BUD23: variants seen among roughly 807,000 people sequenced by gnomAD.
The protein encoded by BUD23 is 18S rRNA (guanine-N(7))-methyltransferase.
In BUD23, 34 loss-of-function variants were observed where a neutral mutation model predicts 47.0. The observed-to-expected ratio is 0.72, with a 90% CI of 0.55 to 0.96. The LOEUF (loss-of-function observed/expected upper bound fraction) is 0.96, where lower values mean the gene tolerates loss of function less well. BUD23 is among the 40% of genes least tolerant of loss of function. BUD23 has a pLI of 0.00. For missense variants in BUD23, 343 were observed against 361.2 expected, an observed-to-expected ratio of 0.95 and a Z score of 0.41; for synonymous variants, 124 against 132.0, an observed-to-expected ratio of 0.94 and a Z score of 0.41.
chr7:73,684,012 C>T, intron 2 of BUD23: 1 of 1,438,780 alleles, frequency 7.0e-7, no homozygotes, highest in Non-Finnish European at 9.1e-7. Flanking sequence ...TAGGGGTGAT[C>T]GCGCTTGCTT....
chr7:73,697,367 C>T lies in BUD23; in HGVS notation c.702-238C>T, dbSNP rs149350960. On this transcript the variant is annotated intron_variant, in intron 10 of 11. Transcript: ENST00000265758. Reference sequence around the variant, plus strand: ...TCGCTGGTGTTTAGGTCTCCATGCCCGGCCCAGCTCTCTCCTCCTCTGCCC... The same window carrying T: ...TCGCTGGTGTTTAGGTCTCCATGCCTGGCCCAGCTCTCTCCTCCTCTGCCC... The T allele has an allele frequency of 2.7e-3, 3,898 of 1,448,634 alleles. 9 individuals carry two copies. The highest frequency in any genetic ancestry group is 6.5e-3 in the African/African-American group (462 of 71,534). The allele number at this position is 1,448,634 out of a possible 1,614,324, so 89.7% of individuals were successfully genotyped here.
chr7:73,693,591 A>C (rs1798278286), intron 8 of BUD23, 33 bp from the exon 9 acceptor site: 3 of 1,613,580 alleles, frequency 1.9e-6, no homozygotes, highest in African/African-American at 2.7e-5. Flanking sequence ...GGCTTTCTCC[A>C]CCCAACCCTC....
Position 73,683,600 on chromosome 7 carries a change from C to G in BUD23, c.-26C>G, listed in dbSNP as rs562873873. The G allele has an allele frequency of 1.3e-6, 2 of 1,594,740 alleles. No individual in the cohort carries two copies. Among genetic ancestry groups the G allele is most frequent in the South Asian group, 1.1e-5 (1 of 89,652 alleles). On this transcript the variant is annotated 5_prime_UTR_variant, in exon 1 of 12. Transcript: ENST00000265758. ...AAACCGGGTGCCGGCAGGCGCCAGT[C>G]GCAGGTGTGCTGCTGAGGCGTGAGA...
chr7:73,686,847 T>TG lies in BUD23; in HGVS notation c.213dup (p.Ser72ValfsTer3), dbSNP rs1563552018. The TG allele has an allele frequency of 6.2e-7, 1 of 1,614,240 alleles. No homozygotes were observed. Among genetic ancestry groups the TG allele is most frequent in the Admixed American group, 1.7e-5 (1 of 60,024 alleles). On this transcript the variant is annotated frameshift_variant, in exon 4 of 12. Transcript: ENST00000265758. LOFTEE classifies it high-confidence loss of function. ...GGCACTGGGCTGAGTGGAAGTTATC[T>TG]GTCAGATGAAGGGCACTATTGGGTG...
At chr7:73,687,810 C>T (rs1554613324) in intron 5 of BUD23, among the ~76,000 whole-genome samples, 2 of 152,062 alleles carry the variant, frequency 1.3e-5, no homozygotes, top group South Asian at 2.1e-4. Context: ...AGAGCAAGGC[C>T]CAAGAGTGTA....
chr7:73,691,113 C>G (rs1452784621), intron 6 of BUD23, 101 bp downstream of exon 6: 1 of 1,028,152 alleles, frequency 9.7e-7, no homozygotes, highest in Non-Finnish European at 1.5e-6. Flanking sequence ...GGGTAAGCTA[C>G]TCATATGGGA....
intron 9 of BUD23, 45 bp from the exon 10 acceptor site, chr7:73,693,947 T>G (rs1798293373): frequency 1.2e-6 from 2 of 1,608,970 alleles, no homozygotes; most frequent in South Asian, 2.2e-5. Context: ...GGCAGATGGT[T>G]TGAGAACTCT....
At position 73,698,172 on chromosome 7, in the gene BUD23, T is replaced by C; in HGVS notation, c.*286T>C. 3.6e-6 allele frequency: 1 copy of C among 277,316 alleles called. No individual in the cohort carries two copies. The highest frequency in any genetic ancestry group is 6.6e-6 in the Non-Finnish European group (1 of 151,054). The allele number at this position is 277,316 out of a possible 1,614,324, so 17.2% of individuals were successfully genotyped here. On this transcript the variant is annotated 3_prime_UTR_variant, in exon 12 of 12. Transcript: ENST00000265758. ...AAAAAAAAAAGCTCTGAGAGCATCT[T>C]ATTTTGTTTAAAGGCAAGAAATAAA... is the stretch of plus-strand genomic sequence containing the variant.
rs782152187 is a variant in BUD23 at position 73,690,896 on chromosome 7, C to G, written c.363-20C>G. ...CAACGTGGATTGCTCCGTTGCCTGA[C>G]TAGGTCCCTTCCTTTTTAGCATTTC... On this transcript the variant is annotated intron_variant, in intron 5 of 11. Coordinates refer to ENST00000265758, the MANE Select transcript of BUD23 (RefSeq NM_017528.5). 4 of 1,609,716 alleles carry G rather than the reference C, an allele frequency of 2.5e-6. No individual in the cohort carries two copies. The East Asian group carries it at 8.9e-5, about 36-fold the overall frequency.
chr7:73,692,243 G>A (rs541886895), intron 6 of BUD23, among the ~76,000 whole-genome samples: 1 of 152,282 alleles, frequency 6.6e-6, no homozygotes, highest in South Asian at 2.1e-4. Flanking sequence ...TCCCTTATAT[G>A]TTTAAATAGC....
intron 11 of BUD23, 38 bp from the exon 12 acceptor site, chr7:73,697,794 T>G (rs1389363090): frequency 6.2e-7 from 1 of 1,607,538 alleles, no homozygotes; most frequent in Non-Finnish European, 8.5e-7. Flanking sequence ...TGCTTTGATC[T>G]TTTTTTTCTG....
At chr7:73,697,759 TC>T in intron 11 of BUD23, 65 bp downstream of exon 11, 1 of 1,609,710 alleles carries the variant, frequency 6.2e-7, no homozygotes, top group Non-Finnish European at 8.5e-7. Flanking sequence ...ATGAAGAGCT[TC>T]CCTTTATTTG....
chr7:73,697,127 C>T lies in BUD23; in HGVS notation c.702-478C>T, dbSNP rs138695631. 1.3e-4 allele frequency: 46 copies of T among 356,912 alleles called. No homozygotes were observed. The East Asian group carries it at 2.8e-3, about 21-fold the overall frequency. 22.1% of individuals were successfully genotyped at this position (356,912 alleles called of 1,614,324 possible). A position where few individuals can be genotyped will look rare whatever the true frequency, so the allele number is the denominator to read the frequency against. ...GTCACAGGGGTCTTCGGGGTTACCC[C>T]GCCCTCTTTCCTTCTTCCCTCATAC... On this transcript the variant is annotated intron_variant, in intron 10 of 11. Transcript: ENST00000265758.
intron 10 of BUD23, chr7:73,697,259 C>T: frequency 1.7e-6 from 1 of 599,488 alleles, no homozygotes; most frequent in Non-Finnish European, 3.0e-6. Flanking sequence ...CTCTTGAAGT[C>T]TAGGTGATGA....
At chr7:73,684,890 C>T (rs1162818876) in intron 2 of BUD23, among the ~76,000 whole-genome samples, 1 of 132,400 alleles carries the variant, frequency 7.6e-6, no homozygotes, top group Admixed American at 8.9e-5. Flanking sequence ...CGGCACTGCA[C>T]TCCAGCCTGG....
intron 5 of BUD23, 101 bp from the exon 6 acceptor site, chr7:73,690,815 T>G (rs75844100): frequency 2.1e-5 from 9 of 426,268 alleles, no homozygotes; most frequent in Non-Finnish European, 3.7e-5. Flanking sequence ...GGAGGAGGGG[T>G]TTCTCTTGGA....
intron 6 of BUD23, 99 bp downstream of exon 6, chr7:73,691,111 T>A (rs2116690887): frequency 9.5e-7 from 1 of 1,047,960 alleles, no homozygotes; most frequent in Admixed American, 1.8e-5. Context: ...ATGGGTAAGC[T>A]ACTCATATGG....
intron 2 of BUD23, among the ~76,000 whole-genome samples, chr7:73,686,319 G>C (rs1584213214): frequency 1.3e-5 from 2 of 152,324 alleles, no homozygotes; most frequent in Non-Finnish European, 2.9e-5. Flanking sequence ...CAGCCTAATA[G>C]AGTTGCAGAT....
chr7:73,689,290 G>A (rs1798097094), intron 5 of BUD23, among the ~76,000 whole-genome samples: 1 of 151,674 alleles, frequency 6.6e-6, no homozygotes, highest in Non-Finnish European at 1.5e-5. Context: ...TTCATGAACT[G>A]CCCGCCTCAA....
Sources: allele counts gnomAD v4.1 joint callset (sites outside exome capture counted in the v4.1 genomes callset), GRCh38; gene constraint gnomAD v4.1.1; transcripts MANE v1.5; gene names NCBI Gene and HGNC (gene_info 2026-07-23, HGNC 2026-07-21).